IPO7: variants seen among roughly 807,000 people sequenced by gnomAD.
IPO7 encodes importin 7, also known as importin-7.
In IPO7, 13 loss-of-function variants were observed where a neutral mutation model predicts 136.4. The ratio of observed to expected loss-of-function variants is 0.10; its 90% CI spans 0.06 to 0.15. IPO7 has a LOEUF of 0.15. Among genes scored for constraint, IPO7 ranks in the 10% least tolerant of loss-of-function variants. The pLI is 1.00. For synonymous variants in IPO7, 403 were observed against 404.4 expected (o/e 1.00, Z 0.04); for missense variants, 857 against 1,240.6 (o/e 0.69, Z 4.65).
chr11:9,442,364 T>C (rs907991350), intron 24 of IPO7, among the ~76,000 whole-genome samples, 167 bp downstream of exon 24: 1 of 152,186 alleles, frequency 6.6e-6, no homozygotes, highest in African/African-American at 2.4e-5. Flanking sequence ...TAATTCAAGA[T>C]AACTTAATTT....
intron 18 of IPO7, 93 bp from the exon 19 acceptor site, chr11:9,434,841 C>T (rs1403669675): frequency 6.1e-6 from 5 of 820,556 alleles, no homozygotes; most frequent in Non-Finnish European, 1.0e-5. Context: ...AAAATGATCT[C>T]ATAGATTTGC....
intron 3 of IPO7, 66 bp downstream of exon 3, chr11:9,408,705 T>G (rs869241004): frequency 1.5e-4 from 20 of 133,686 alleles, no homozygotes; most frequent in Non-Finnish European, 2.1e-4. Flanking sequence ...TGTTTTTTGG[T>G]TTTTTTTTTT....
At chr11:9,442,985 T>G (rs1855479339) in intron 24 of IPO7, among the ~76,000 whole-genome samples, 1 of 151,886 alleles carries the variant, frequency 6.6e-6, no homozygotes, top group Admixed American at 6.6e-5. Context: ...ATTGCACTAC[T>G]GTTCTCCATC....
chr11:9,440,325 C>T lies in IPO7; in HGVS notation c.2696-130C>T, dbSNP rs150089283. On this transcript the variant is annotated intron_variant, in intron 22 of 24. Coordinates refer to ENST00000379719, the MANE Select transcript of IPO7 (RefSeq NM_006391.3). ...ATTCATTATTGAACATGTATTTAAA[C>T]ACCAATTCCTGGAGCTCTCTCTTGT... is the stretch of plus-strand genomic sequence containing the variant. 2.3e-4 allele frequency: 172 copies of T among 735,182 alleles called. 1 individual carries two copies. The African/African-American group carries it at 2.7e-3, about 11-fold the overall frequency. The allele number at this position is 735,182 out of a possible 1,614,324, so 45.5% of individuals were successfully genotyped here.
chr11:9,388,024 G>A (rs1239627700), intron 1 of IPO7, among the ~76,000 whole-genome samples: 11 of 149,584 alleles, frequency 7.4e-5, no homozygotes, highest in African/African-American at 1.2e-4. Context: ...GCGCATGCCT[G>A]TAATCCCAGC....
chr11:9,436,293 A>G lies in IPO7; in HGVS notation c.2195A>G (p.Glu732Gly), dbSNP rs904317431. The G allele has an allele frequency of 6.2e-7, 1 of 1,613,558 alleles. No individual in the cohort carries two copies. Among genetic ancestry groups the G allele is most frequent in the African/African-American group, 1.3e-5 (1 of 74,924 alleles). ...CKKVLTGVAG[E>G]DAECHAAKLL... ...CAGGTTCTTACAGGAGTTGCAGGAG[A>G]AGATGCAGAGTGTCATGCAGCAAAA... Residue 732 changes from glutamate to glycine, a missense_variant, in exon 20 of 25, where the codon GAA (glutamate) becomes GGA (glycine). This residue lies in a region of IPO7 where 190 missense variants were observed against 249.0 expected (regional missense o/e 0.76). Transcript: ENST00000379719.
chr11:9,407,312 T>C (rs1461600309), intron 2 of IPO7, among the ~76,000 whole-genome samples: 1 of 152,180 alleles, frequency 6.6e-6, no homozygotes, highest in Non-Finnish European at 1.5e-5. Flanking sequence ...TCCCAGAACT[T>C]TGGGAGGCCG....
At chr11:9,388,071 C>T (rs1176866121) in intron 1 of IPO7, among the ~76,000 whole-genome samples, 29 of 141,368 alleles carry the variant, frequency 2.1e-4, no homozygotes, top group East Asian at 6.8e-4. Flanking sequence ...CGCTTGAACC[C>T]GGGAGGTGGA....
At chr11:9,397,332 T>TAAAAAAA (rs757736784) in intron 1 of IPO7, among the ~76,000 whole-genome samples, 253 of 12,058 alleles carry the variant, frequency 0.021, 74 homozygotes, top group East Asian at 0.053. Context: ...TAAAAATAAT[T>TAAAAAAA]TAAAAAAAAA....
At chr11:9,404,883 A>G (rs1341585534) in intron 2 of IPO7, among the ~76,000 whole-genome samples, 2 of 151,880 alleles carry the variant, frequency 1.3e-5, no homozygotes, top group Non-Finnish European at 2.9e-5. Context: ...TCATATTTTA[A>G]TGGCTAAATA....
At chr11:9,388,467 G>A (rs1381160427) in intron 1 of IPO7, among the ~76,000 whole-genome samples, 1 of 150,458 alleles carries the variant, frequency 6.6e-6, no homozygotes, top group Non-Finnish European at 1.5e-5. Flanking sequence ...GAGCCACCAT[G>A]CCCAGCCTAT....
intron 14 of IPO7, among the ~76,000 whole-genome samples, 196 bp from the exon 15 acceptor site, chr11:9,429,478 T>C (rs1437255569): frequency 6.6e-6 from 1 of 152,016 alleles, no homozygotes; most frequent in Non-Finnish European, 1.5e-5. Context: ...CCCTCCAGCC[T>C]GGGCAACAGA....
intron 1 of IPO7, among the ~76,000 whole-genome samples, chr11:9,390,058 AT>A (rs1368965570): frequency 2.0e-5 from 3 of 151,574 alleles, no homozygotes; most frequent in African/African-American, 7.3e-5. Context: ...GCCTGGCCTA[AT>A]TTTATATTTT....
intron 6 of IPO7, among the ~76,000 whole-genome samples, chr11:9,419,559 A>AAAAATAT (rs1256216265): frequency 3.4e-3 from 399 of 116,810 alleles, no homozygotes; most frequent in Non-Finnish European, 5.7e-3. Flanking sequence ...AAAAAAAAAA[A>AAAAATAT]ATATATATAT....
intron 8 of IPO7, 102 bp from the exon 9 acceptor site, chr11:9,422,904 A>G: frequency 1.7e-6 from 1 of 605,802 alleles, no homozygotes; most frequent in Non-Finnish European, 2.8e-6. Flanking sequence ...TTTCTTGATG[A>G]TGAGCTTGTC....
In IPO7 at chr11:9,440,536, A is replaced by G. The variant is rs775223128; in HGVS notation, c.2777A>G (p.Asp926Gly). The change falls in exon 23 of 25, where the codon GAT becomes GGT. Residue 926 changes from aspartate (D) to glycine (G), a missense_variant. By Grantham distance (94) the Asp-to-Gly change is moderately conservative. Transcript: ENST00000379719. The stretch of plus-strand genomic sequence containing the variant: ...ATTCTGGCTAAGCAGGCTGGTGAAG[A>G]TGGAGATGATGAAGATTGGGAAGAA... The part of the protein sequence containing the change: ...LEILAKQAGE[D>G]GDDEDWEEDD... 4 of 1,613,924 alleles carry G rather than the reference A, an allele frequency of 2.5e-6. No homozygotes were observed. Among genetic ancestry groups the G allele is most frequent in the Non-Finnish European group, 1.7e-6 (2 of 1,179,924 alleles).
intron 1 of IPO7, among the ~76,000 whole-genome samples, chr11:9,397,371 G>A (rs1395366784): frequency 5.7e-5 from 3 of 53,032 alleles, no homozygotes; most frequent in African/African-American, 8.3e-5. Flanking sequence ...TATATTAGTC[G>A]GGCACGGTGG....
chr11:9,397,341 A>AAAAAATATATAT lies in IPO7; in HGVS notation c.85-5948_85-5947insAAAATATATATA. On this transcript the variant is annotated intron_variant, in intron 1 of 24. Transcript: ENST00000379719. ...CTTTACTAAAAATAATTTAAAAAAAAATATATATATATATATATATATATT... is the reference window on the plus strand; with the variant it reads ...CTTTACTAAAAATAATTTAAAAAAAAAAAAATATATATATATATATATATATATATATATATT... Among the ~76,000 whole-genome samples, 32 of 10,760 alleles carry AAAAAATATATAT rather than the reference A, an allele frequency of 3.0e-3. 1 individual carries two copies. The highest frequency in any genetic ancestry group is 5.3e-3 in the African/African-American group (21 of 3,986). 7.1% of individuals were successfully genotyped at this position (10,760 alleles called of 152,430 possible). A position where few individuals can be genotyped will look rare whatever the true frequency, so the allele number is the denominator to read the frequency against.
At chr11:9,424,809 G>A (rs1855181194) in intron 10 of IPO7, 105 bp from the exon 11 acceptor site, 2 of 738,512 alleles carry the variant, frequency 2.7e-6, no homozygotes, top group Admixed American at 2.7e-5. Flanking sequence ...AATTATAAAG[G>A]GATCTGGGAT....
Sources: gnomAD v4.1 joint callset for allele counts (sites outside exome capture counted in the v4.1 genomes callset) on GRCh38, gnomAD v4.1.1 for gene constraint, gnomAD v4.1.1 regional missense constraint, MANE v1.5 for transcripts, NCBI Gene and HGNC (gene_info 2026-07-23, HGNC 2026-07-21) for gene names.